PHF20: variants seen among roughly 807,000 people sequenced by gnomAD.
PHF20 encodes the protein glioma-expressed antigen 2.
PHF20 carries 23 observed loss-of-function variants against 113.5 expected under a neutral mutation model. That is an observed-to-expected ratio of 0.20 (90% CI 0.15 to 0.29). PHF20 has a LOEUF of 0.29. Ranked by LOEUF, PHF20 falls within the 10% of genes least tolerant of loss-of-function variation. The pLI is 1.00. For synonymous variants in PHF20, 434 were observed against 457.3 expected (o/e 0.95, Z 0.65); for missense variants, 943 against 1,219.6 (o/e 0.77, Z 3.38).
chr20:35,800,678 C>T (rs2146863030), intron 1 of PHF20, among the ~76,000 whole-genome samples: 1 of 151,994 alleles, frequency 6.6e-6, no homozygotes, highest in East Asian at 1.9e-4. Context: ...GGCCTAGGCT[C>T]CAGAATTGCT....
chr20:35,866,741 A>G (rs2054326356), intron 6 of PHF20, among the ~76,000 whole-genome samples: 1 of 152,208 alleles, frequency 6.6e-6, no homozygotes, highest in African/African-American at 2.4e-5. Context: ...TCCAGAAGGT[A>G]TGTACAGAAG....
At chr20:35,812,413 C>T (rs935585579) in intron 2 of PHF20, among the ~76,000 whole-genome samples, 6 of 151,962 alleles carry the variant, frequency 3.9e-5, no homozygotes, top group Admixed American at 1.3e-4. Flanking sequence ...AGCGAGACTC[C>T]GTCTCAAAAA....
chr20:35,916,589 T>C (rs906399474), intron 12 of PHF20, among the ~76,000 whole-genome samples: 1 of 152,144 alleles, frequency 6.6e-6, no homozygotes, highest in African/African-American at 2.4e-5. Flanking sequence ...TGCCTCAGCC[T>C]CCCCATAGCT....
chr20:35,897,853 C>T (rs1170881108), intron 9 of PHF20, among the ~76,000 whole-genome samples: 15 of 151,238 alleles, frequency 9.9e-5, no homozygotes, highest in Non-Finnish European at 1.6e-4. Context: ...AGGTGTGAGC[C>T]ACCACGCCCG....
intron 9 of PHF20, among the ~76,000 whole-genome samples, chr20:35,896,543 G>A (rs971633208): frequency 6.6e-6 from 1 of 151,818 alleles, no homozygotes; most frequent in Non-Finnish European, 1.5e-5. Flanking sequence ...GGGGGCGGTG[G>A]CTCACACCTG....
At chr20:35,918,806 C>T (rs2055454053) in intron 13 of PHF20, among the ~76,000 whole-genome samples, 1 of 152,198 alleles carries the variant, frequency 6.6e-6, no homozygotes, top group Non-Finnish European at 1.5e-5. Context: ...GGCAAAAAGA[C>T]TGCCTGGGGC....
intron 2 of PHF20, among the ~76,000 whole-genome samples, chr20:35,822,279 A>G (rs2042182242): frequency 6.6e-6 from 1 of 152,020 alleles, no homozygotes; most frequent in African/African-American, 2.4e-5. Context: ...CTAGCTGGGC[A>G]TGGTGGTGTG....
At chr20:35,828,314 G>A (rs1600794054) in intron 2 of PHF20, among the ~76,000 whole-genome samples, 1 of 152,100 alleles carries the variant, frequency 6.6e-6, no homozygotes, top group East Asian at 1.9e-4. Flanking sequence ...GTGAGCCACC[G>A]CGCCCAGCCT....
chr20:35,865,015 G>A (rs540623187), intron 6 of PHF20, among the ~76,000 whole-genome samples: 6 of 151,644 alleles, frequency 4.0e-5, no homozygotes, highest in South Asian at 2.1e-4. Flanking sequence ...GTGAAACCCC[G>A]TCTCTACTGA....
chr20:35,946,419 G>C (rs1403645585), intron 17 of PHF20, among the ~76,000 whole-genome samples: 1 of 152,098 alleles, frequency 6.6e-6, no homozygotes, highest in African/African-American at 2.4e-5. Context: ...GGGCGACACA[G>C]TGAGACTCCA....
At chr20:35,862,282 T>C (rs2054231444) in intron 5 of PHF20, among the ~76,000 whole-genome samples, 1 of 152,226 alleles carries the variant, frequency 6.6e-6, no homozygotes. Flanking sequence ...CTTCCAGTTA[T>C]CAGTTTTTGT....
intron 9 of PHF20, among the ~76,000 whole-genome samples, chr20:35,880,962 A>G (rs925572093): frequency 6.6e-6 from 1 of 152,106 alleles, no homozygotes; most frequent in African/African-American, 2.4e-5. Context: ...TCTGTCTCAA[A>G]GAAAACAAAA....
At chr20:35,847,298 C>T in intron 3 of PHF20, 52 bp from the exon 4 acceptor site, 1 of 1,237,304 alleles carries the variant, frequency 8.1e-7, no homozygotes, top group South Asian at 1.3e-5. Context: ...CCTGTATGTC[C>T]TGTGAAATTA....
At chr20:35,791,543 A>G (rs1176584444) in intron 1 of PHF20, among the ~76,000 whole-genome samples, 1 of 146,712 alleles carries the variant, frequency 6.8e-6, no homozygotes, top group African/African-American at 2.5e-5. Flanking sequence ...TAGTGTATAT[A>G]TATATATATA....
intron 17 of PHF20, among the ~76,000 whole-genome samples, 160 bp downstream of exon 17, chr20:35,941,207 A>G (rs2055973480): frequency 6.6e-6 from 1 of 152,118 alleles, no homozygotes; most frequent in South Asian, 2.1e-4. Flanking sequence ...CTCAGGATGG[A>G]TGAGCCTTAC....
At chr20:35,854,274 C>A (rs141717883) in intron 4 of PHF20, among the ~76,000 whole-genome samples, 40 of 152,234 alleles carry the variant, frequency 2.6e-4, no homozygotes, top group African/African-American at 9.4e-4. Context: ...AGTCCTTAAC[C>A]CTCAGAGGGG....
intron 1 of PHF20, among the ~76,000 whole-genome samples, chr20:35,796,262 TATTTA>T (rs2041665207): frequency 6.6e-6 from 1 of 151,582 alleles, no homozygotes; most frequent in South Asian, 2.1e-4. Flanking sequence ...TAGCATTCTT[TATTTA>T]ATTTATTACA....
At chr20:35,806,397 G>A (rs2041882487) in intron 2 of PHF20, among the ~76,000 whole-genome samples, 1 of 150,192 alleles carries the variant, frequency 6.7e-6, no homozygotes, top group African/African-American at 2.4e-5. Flanking sequence ...CTGACCTCAA[G>A]TGTTTCACCT....
chr20:35,797,238 C>T (rs1049581286), intron 1 of PHF20, among the ~76,000 whole-genome samples: 2 of 149,702 alleles, frequency 1.3e-5, no homozygotes, highest in Non-Finnish European at 3.0e-5. Context: ...ATGGGCCGGG[C>T]GTGGTGGCTC....
Sources: gnomAD v4.1 joint callset for allele counts (sites outside exome capture counted in the v4.1 genomes callset) on GRCh38, gnomAD v4.1.1 for gene constraint, MANE v1.5 for transcripts, NCBI Gene and HGNC (gene_info 2026-07-23, HGNC 2026-07-21) for gene names.